Variants in EIF4E3 observed in about 807,000 individuals in gnomAD.
EIF4E3 encodes eukaryotic translation initiation factor 4E family member 3, also known as eukaryotic translation initiation factor 4E type 3.
A neutral mutation model predicts 31.7 loss-of-function variants in EIF4E3; 26 were observed. That is an observed-to-expected ratio of 0.82 (90% CI 0.60 to 1.14). The LOEUF (loss-of-function observed/expected upper bound fraction) is 1.14. Among genes scored for constraint, EIF4E3 ranks in the 50% most tolerant of loss-of-function variants. The pLI is 0.00. For synonymous variants in EIF4E3, 128 were observed against 107.7 expected, an observed-to-expected ratio of 1.19 and a Z score of -1.17; for missense variants, 304 against 270.9, an observed-to-expected ratio of 1.12 and a Z score of -0.86.
chr3:71,718,850 A>G (rs554914764), intron 1 of EIF4E3, among the ~76,000 whole-genome samples: 1 of 152,314 alleles, frequency 6.6e-6, no homozygotes, highest in African/African-American at 2.4e-5. Context: ...ACCCCTCACA[A>G]AAAATAAAAT....
rs865966487 is a variant in EIF4E3 at position 71,685,383 on chromosome 3, G to A, written c.629-655C>T. ...GAATATATATATATTTTTTTGAGAC[G>A]TAGTTTTGCTCTGTAGCCCAGGCTG... On this transcript the variant is annotated intron_variant, in intron 6 of 6. Coordinates refer to ENST00000425534, the MANE Select transcript of EIF4E3 (RefSeq NM_001134651.2). Among the ~76,000 whole-genome samples, 13 of 152,156 alleles carry A rather than the reference G, an allele frequency of 8.5e-5. No homozygotes were observed. The East Asian group carries it at 1.5e-3, about 18-fold the overall frequency.
Position 71,681,816 on chromosome 3 carries a change from C to T in EIF4E3, c.*2866G>A, listed in dbSNP as rs1327447452. The T allele has an allele frequency of 1.3e-5, 2 of 152,132 alleles. No individual in the cohort carries two copies. The highest frequency in any genetic ancestry group is 4.8e-5 in the African/African-American group (2 of 41,392). The allele number at this position is 152,132 out of a possible 1,614,324, so 9.4% of individuals were successfully genotyped here. ...CTTGTGACTGTGTGCATGGTGTAGA[C>T]ATGGGCTAAACTCAAGAAGAGGGGT... On this transcript the variant is annotated 3_prime_UTR_variant, in exon 7 of 7. Coordinates refer to ENST00000425534, the MANE Select transcript of EIF4E3 (RefSeq NM_001134651.2).
chr3:71,669,588 G>A, the EIF4E3 span, among the ~76,000 whole-genome samples: 15 of 151,900 alleles, frequency 9.9e-5, no homozygotes, highest in East Asian at 1.9e-4. Flanking sequence ...TGTTAGAAGG[G>A]GGGTATGTTA....
chr3:71,663,200 G>T, the EIF4E3 span, among the ~76,000 whole-genome samples: 4 of 152,104 alleles, frequency 2.6e-5, no homozygotes, highest in Admixed American at 2.6e-4. Flanking sequence ...CGAAGGATGG[G>T]TCTCCTCGCC....
intron 1 of EIF4E3, among the ~76,000 whole-genome samples, chr3:71,743,063 C>T (rs897675072): frequency 6.6e-6 from 1 of 152,134 alleles, no homozygotes; most frequent in Admixed American, 6.5e-5. Flanking sequence ...AAACTGAATG[C>T]TTTCCTTTTA....
Position 71,696,617 on chromosome 3 carries a change from G to C in EIF4E3, c.345-97C>G, listed in dbSNP as rs942336466. On this transcript the variant is annotated intron_variant, in intron 3 of 6. Transcript: ENST00000425534. ...TCTTCATACATTTAGTTTAACAACA[G>C]ATGACCTTAAAAACAAAATAGTTGG... The C allele has an allele frequency of 4.9e-5, 69 of 1,416,438 alleles. No homozygotes were observed. The Admixed American group carries it at 5.6e-4, about 11-fold the overall frequency. The allele number at this position is 1,416,438 out of a possible 1,614,324, so 87.7% of individuals were successfully genotyped here.
chr3:71,664,791 C>T, the EIF4E3 span, among the ~76,000 whole-genome samples: 1 of 152,178 alleles, frequency 6.6e-6, no homozygotes, highest in Non-Finnish European at 1.5e-5. Flanking sequence ...ATGAGAACTG[C>T]TTGAGCCTGG....
chr3:71,731,721 G>A (rs1439221188), intron 1 of EIF4E3, among the ~76,000 whole-genome samples: 2 of 152,144 alleles, frequency 1.3e-5, no homozygotes, highest in African/African-American at 2.4e-5. Context: ...TCTCATGGAC[G>A]GCATGTTGGT....
the EIF4E3 span, among the ~76,000 whole-genome samples, chr3:71,668,779 G>A: frequency 2.6e-5 from 4 of 152,264 alleles, no homozygotes; most frequent in East Asian, 1.9e-4. Context: ...AAATAGGAAC[G>A]CTTTTACACT....
At position 71,715,739 on chromosome 3, in the gene EIF4E3, TTAA is replaced by T. The variant is rs148040549; in HGVS notation, c.177-5258_177-5256del. Among the ~76,000 whole-genome samples, 819 of 152,358 alleles carry T rather than the reference TTAA, an allele frequency of 5.4e-3. 6 individuals are homozygous for T. The highest frequency in any genetic ancestry group is 0.019 in the African/African-American group (788 of 41,596). ...AATAGTTCCACCAGGAGTTTCCTCT[TTAA>T]TAATATTAATGTAATAATGGCTCCC... On this transcript the variant is annotated intron_variant, in intron 1 of 6. Coordinates refer to ENST00000425534, the MANE Select transcript of EIF4E3 (RefSeq NM_001134651.2).
the EIF4E3 span, among the ~76,000 whole-genome samples, chr3:71,660,414 G>A: frequency 6.6e-6 from 1 of 152,208 alleles, no homozygotes; most frequent in African/African-American, 2.4e-5. Flanking sequence ...GCATGGCCAG[G>A]TGTTTAAGCA....
intron 1 of EIF4E3, among the ~76,000 whole-genome samples, chr3:71,722,328 G>A (rs1004990360): frequency 3.3e-5 from 5 of 152,238 alleles, no homozygotes; most frequent in African/African-American, 1.2e-4. Context: ...AAGGTTTTGA[G>A]AGTCACCAGA....
chr3:71,687,590 A>G (rs559324147), intron 6 of EIF4E3, among the ~76,000 whole-genome samples: 1 of 152,334 alleles, frequency 6.6e-6, no homozygotes, highest in South Asian at 2.1e-4. Flanking sequence ...TCACACCAGA[A>G]AAGACCTTTG....
chr3:71,702,375 G>A (rs2049230102), intron 2 of EIF4E3, among the ~76,000 whole-genome samples: 1 of 152,238 alleles, frequency 6.6e-6, no homozygotes, highest in African/African-American at 2.4e-5. Flanking sequence ...TCTCCTCAAA[G>A]GCATCACAAA....
intron 1 of EIF4E3, among the ~76,000 whole-genome samples, chr3:71,748,841 C>T (rs962057718): frequency 6.6e-6 from 1 of 152,004 alleles, no homozygotes; most frequent in Non-Finnish European, 1.5e-5. Flanking sequence ...CTTTTTTTCC[C>T]CACCAGCAAG....
chr3:71,704,523 G>A (rs911334677), intron 2 of EIF4E3, among the ~76,000 whole-genome samples: 3 of 152,246 alleles, frequency 2.0e-5, no homozygotes, highest in Admixed American at 6.5e-5. Flanking sequence ...TTCTGGTGGG[G>A]TCGGGGGAAG....
intron 1 of EIF4E3, among the ~76,000 whole-genome samples, chr3:71,747,813 G>C (rs1298032507): frequency 1.3e-5 from 2 of 151,942 alleles, no homozygotes. Context: ...GTGGGGTTGG[G>C]GCGCAATTTC....
chr3:71,710,629 T>G (rs2049364889), intron 1 of EIF4E3, 145 bp from the exon 2 acceptor site: 1 of 720,658 alleles, frequency 1.4e-6, no homozygotes, highest in Non-Finnish European at 2.3e-6. Context: ...TAGTTGGAAT[T>G]TAAAATGTGA....
chr3:71,696,853 C>A (rs1022779644), intron 3 of EIF4E3, among the ~76,000 whole-genome samples: 1 of 147,068 alleles, frequency 6.8e-6, no homozygotes, highest in Non-Finnish European at 1.5e-5. Context: ...GTAGCTGGGA[C>A]TACAGGCGTC....
Sources: allele counts gnomAD v4.1 joint callset (sites outside exome capture counted in the v4.1 genomes callset), GRCh38; gene constraint gnomAD v4.1.1; transcripts MANE v1.5; gene names NCBI Gene and HGNC (gene_info 2026-07-23, HGNC 2026-07-21).